Variants in SPIDR observed in about 807,000 individuals in gnomAD.
SPIDR encodes DNA repair-scaffolding protein.
Under a neutral mutation model 104.6 loss-of-function variants are expected in SPIDR, and 93 were observed. The ratio of observed to expected loss-of-function variants is 0.89; its 90% CI spans 0.75 to 1.06. The LOEUF is 1.06. Among genes scored for constraint, SPIDR ranks in the 50% least tolerant of loss-of-function variants. SPIDR has a pLI of 0.00. For missense variants in SPIDR, 1,154 were observed against 1,111.2 expected, an observed-to-expected ratio of 1.04 and a Z score of -0.55; for synonymous variants, 431 against 416.9, an observed-to-expected ratio of 1.03 and a Z score of -0.41.
chr8:47,516,707 C>T (rs1235983688), intron 8 of SPIDR, among the ~76,000 whole-genome samples: 1 of 152,040 alleles, frequency 6.6e-6, no homozygotes, highest in Non-Finnish European at 1.5e-5. Context: ...GTTTTCACTT[C>T]TTGACTACTG....
chr8:47,400,216 C>A (rs952001334), intron 6 of SPIDR, among the ~76,000 whole-genome samples: 29 of 152,194 alleles, frequency 1.9e-4, no homozygotes, highest in Non-Finnish European at 5.9e-5. Context: ...GGAGACAACA[C>A]AGTGCTGTTT....
intron 1 of SPIDR, among the ~76,000 whole-genome samples, chr8:47,266,810 A>G (rs2034159064): frequency 6.6e-6 from 1 of 152,246 alleles, no homozygotes; most frequent in South Asian, 2.1e-4. Flanking sequence ...TAGTATATTT[A>G]CAGAGTTGTA....
At chr8:47,555,660 C>CT (rs1303358322) in intron 8 of SPIDR, among the ~76,000 whole-genome samples, 1 of 152,078 alleles carries the variant, frequency 6.6e-6, no homozygotes, top group Non-Finnish European at 1.5e-5. Context: ...TATGTGTATT[C>CT]TTTGCACTGT....
chr8:47,518,451 G>C (rs1412766633), intron 8 of SPIDR, among the ~76,000 whole-genome samples: 10 of 152,010 alleles, frequency 6.6e-5, no homozygotes, highest in Admixed American at 6.6e-4. Context: ...ATTTTTATTT[G>C]ATTTATGATG....
At chr8:47,331,965 C>CTTTTTTTTTTTTTTTTTTTTTT (rs1183447584) in intron 5 of SPIDR, among the ~76,000 whole-genome samples, 8 of 32,712 alleles carry the variant, frequency 2.4e-4, no homozygotes, top group Non-Finnish European at 3.3e-4. Flanking sequence ...TTTTTTTAAA[C>CTTTTTTTTTTTTTTTTTTTTTT]TTTTTTTTTT....
At chr8:47,436,303 G>A (rs1285125820) in intron 7 of SPIDR, among the ~76,000 whole-genome samples, 1 of 152,182 alleles carries the variant, frequency 6.6e-6, no homozygotes, top group Non-Finnish European at 1.5e-5. Flanking sequence ...TGATATTTTG[G>A]CTGTCTTGTA....
At chr8:47,711,119 A>G (rs1238625902) in intron 14 of SPIDR, among the ~76,000 whole-genome samples, 1 of 152,150 alleles carries the variant, frequency 6.6e-6, no homozygotes, top group Non-Finnish European at 1.5e-5. Flanking sequence ...AGCAAGTTAT[A>G]TCTATTACTG....
intron 16 of SPIDR, among the ~76,000 whole-genome samples, chr8:47,722,118 A>T (rs893161174): frequency 6.6e-6 from 1 of 152,100 alleles, no homozygotes; most frequent in Non-Finnish European, 1.5e-5. Context: ...ATTTATACCT[A>T]AGTATTTCAT....
At chr8:47,355,797 A>G (rs1458884680) in intron 5 of SPIDR, among the ~76,000 whole-genome samples, 3 of 152,218 alleles carry the variant, frequency 2.0e-5, no homozygotes, top group South Asian at 2.1e-4. Flanking sequence ...ACTATTAAAT[A>G]TTTTTTAAAT....
chr8:47,504,209 G>A (rs1316331222), intron 8 of SPIDR, among the ~76,000 whole-genome samples: 2 of 152,120 alleles, frequency 1.3e-5, no homozygotes, highest in Non-Finnish European at 2.9e-5. Context: ...AAGTTCTCCT[G>A]GATAATATCC....
At chr8:47,475,176 A>G (rs2076140510) in intron 8 of SPIDR, among the ~76,000 whole-genome samples, 1 of 152,234 alleles carries the variant, frequency 6.6e-6, no homozygotes, top group Non-Finnish European at 1.5e-5. Flanking sequence ...CATGCAGCTC[A>G]GAAGATGAAT....
chr8:47,689,079 G>A (rs1247012108), intron 11 of SPIDR, among the ~76,000 whole-genome samples: 1 of 152,176 alleles, frequency 6.6e-6, no homozygotes, highest in African/African-American at 2.4e-5. Flanking sequence ...TTCATTGGTT[G>A]TGTATAATTT....
In SPIDR at chr8:47,653,577, AAT is replaced by A. The variant is rs1357607830; in HGVS notation, c.1545-20219_1545-20218del. Among the ~76,000 whole-genome samples the A allele has an allele frequency of 2.0e-5, 3 of 152,278 alleles. No individual in the cohort carries two copies. In the East Asian group the frequency reaches 5.8e-4, roughly 29 times the overall value. On this transcript the variant is annotated intron_variant, in intron 10 of 19. Coordinates refer to ENST00000297423, the MANE Select transcript of SPIDR (RefSeq NM_001080394.4). The stretch of plus-strand genomic sequence containing the variant: ...CTTTCCCACTTGTATACTTTGTAGC[AAT>A]ATATGTTTTGGTTTGTGAACTACCT...
chr8:47,599,098 C>T lies in SPIDR; in HGVS notation c.1446C>T (p.Val482=), dbSNP rs183841316. ...QGAASWPGAG[V]RVVVQRVYSL... ...CTGCCTCGTGGCCAGGAGCTGGAGT[C>T]CGAGTGGTGGTGCAAAGAGTGTATT... Residue 482 remains valine, a synonymous_variant, in exon 10 of 20, where the codon GTC becomes GTT. Transcript: ENST00000297423. 1.2e-6 allele frequency: 2 copies of T among 1,612,754 alleles called. No homozygotes were observed. The highest frequency in any genetic ancestry group is 2.7e-5 in the African/African-American group (2 of 75,018).
At chr8:47,391,953 G>A (rs1479613288) in intron 5 of SPIDR, among the ~76,000 whole-genome samples, 2 of 139,402 alleles carry the variant, frequency 1.4e-5, no homozygotes, top group East Asian at 2.1e-4. Context: ...CCGAGATTGC[G>A]CCACTGCACT....
chr8:47,273,211 A>T (rs2035687339), intron 1 of SPIDR, among the ~76,000 whole-genome samples: 1 of 152,188 alleles, frequency 6.6e-6, no homozygotes, highest in Non-Finnish European at 1.5e-5. Context: ...GTAGGTTGTC[A>T]CTCATATTTT....
chr8:47,573,062 A>G (rs1176979553), intron 8 of SPIDR, among the ~76,000 whole-genome samples: 1 of 152,250 alleles, frequency 6.6e-6, no homozygotes, highest in African/African-American at 2.4e-5. Flanking sequence ...TTTTTCAGGT[A>G]ATAAGTTTAA....
chr8:47,604,476 G>A lies in SPIDR; in HGVS notation c.1544+5280G>A, dbSNP rs555224938. On this transcript the variant is annotated intron_variant, in intron 10 of 19. Transcript: ENST00000297423. ...AGCTACCAGGGGTTTAGTAAGATGG[G>A]CACATGGGGCAGGGCCTAGTGAAAG... Among the ~76,000 whole-genome samples, 15 of 152,326 alleles carry A rather than the reference G, an allele frequency of 9.8e-5. No individual in the cohort carries two copies. In the East Asian group the frequency reaches 2.9e-3, roughly 29 times the overall value.
At chr8:47,486,801 G>T (rs2077703419) in intron 8 of SPIDR, among the ~76,000 whole-genome samples, 2 of 152,142 alleles carry the variant, frequency 1.3e-5, no homozygotes, top group African/African-American at 4.8e-5. Flanking sequence ...AGCAAATGCT[G>T]AGAGATTTTG....
Sources: allele counts gnomAD v4.1 joint callset (sites outside exome capture counted in the v4.1 genomes callset), GRCh38; gene constraint gnomAD v4.1.1; transcripts MANE v1.5; gene names NCBI Gene and HGNC (gene_info 2026-07-23, HGNC 2026-07-21).